SPAG16: variants seen among roughly 807,000 people sequenced by gnomAD.
SPAG16 encodes the protein sperm associated antigen 16.
A neutral mutation model predicts 80.4 loss-of-function variants in SPAG16; 86 were observed. The observed-to-expected ratio is 1.07, with a 90% CI of 0.90 to 1.28. SPAG16 has a LOEUF of 1.28. Among genes scored for constraint, SPAG16 ranks in the 50% most tolerant of loss-of-function variants. The pLI, the probability that SPAG16 is intolerant of heterozygous loss-of-function variation, is 0.00. For missense variants in SPAG16, 870 were observed against 765.3 expected (o/e 1.14, Z -1.61); for synonymous variants, 294 against 265.9 (o/e 1.11, Z -1.03).
chr2:213,284,927 A>T (rs1481719911), intron 1 of SPAG16, among the ~76,000 whole-genome samples: 3 of 152,220 alleles, frequency 2.0e-5, no homozygotes, highest in Non-Finnish European at 4.4e-5. Flanking sequence ...AGACAGCACA[A>T]CAAATTGCTT....
At position 214,043,740 on chromosome 2, in the gene SPAG16, A is replaced by G. The variant is rs939432022; in HGVS notation, c.1527+29663A>G. On this transcript the variant is annotated intron_variant, in intron 13 of 15. Transcript: ENST00000331683. ...TGGCCGAATTGCTTAGATAATTGAT[A>G]TTATATTTATGGTATCTGAGACAGA... 3.9e-5 allele frequency among the ~76,000 whole-genome samples: 6 copies of G among 152,256 alleles called. No homozygotes were observed. In the East Asian group the frequency reaches 7.7e-4, roughly 20 times the overall value.
chr2:213,634,306 A>G (rs1234977805), intron 10 of SPAG16, among the ~76,000 whole-genome samples: 1 of 152,222 alleles, frequency 6.6e-6, no homozygotes, highest in Non-Finnish European at 1.5e-5. Flanking sequence ...TAAAAACTAT[A>G]TGCATTAACT....
intron 15 of SPAG16, among the ~76,000 whole-genome samples, chr2:214,227,480 A>G (rs2058722232): frequency 6.6e-6 from 1 of 152,012 alleles, no homozygotes; most frequent in South Asian, 2.1e-4. Flanking sequence ...TTTGCCAGTT[A>G]GGACTCCAAT....
chr2:214,263,302 C>T (rs1360720158), intron 15 of SPAG16, among the ~76,000 whole-genome samples: 1 of 152,056 alleles, frequency 6.6e-6, no homozygotes, highest in African/African-American at 2.4e-5. Context: ...CTGTCCTCTC[C>T]GGTGAATTCT....
At chr2:213,893,699 A>G (rs2076881092) in intron 11 of SPAG16, among the ~76,000 whole-genome samples, 1 of 152,076 alleles carries the variant, frequency 6.6e-6, no homozygotes, top group African/African-American at 2.4e-5. Flanking sequence ...TATCTATAAG[A>G]TATTTTTGTA....
At chr2:214,274,298 C>T (rs898527670) in intron 15 of SPAG16, among the ~76,000 whole-genome samples, 2 of 152,158 alleles carry the variant, frequency 1.3e-5, no homozygotes, top group Non-Finnish European at 2.9e-5. Flanking sequence ...CTTTCTCCTG[C>T]CTGATTGCCC....
At chr2:214,145,353 CT>C (rs1273878297) in intron 14 of SPAG16, among the ~76,000 whole-genome samples, 1 of 152,062 alleles carries the variant, frequency 6.6e-6, no homozygotes, top group Admixed American at 6.6e-5. Flanking sequence ...GCAAATTTCA[CT>C]TGTTTCCATT....
At chr2:213,412,576 A>G (rs2069035559) in intron 9 of SPAG16, among the ~76,000 whole-genome samples, 1 of 152,112 alleles carries the variant, frequency 6.6e-6, no homozygotes, top group South Asian at 2.1e-4. Context: ...AATTTCTGTA[A>G]GTTAATTAGA....
At chr2:213,833,566 A>ATTATATATATTATATATATATT (rs1491310920) in intron 10 of SPAG16, among the ~76,000 whole-genome samples, 1 of 11,362 alleles carries the variant, frequency 8.8e-5, no homozygotes, top group Non-Finnish European at 1.8e-4. Context: ...TAATATATAT[A>ATTATATATATTATATATATATT]ATATATATAT....
At chr2:214,288,260 T>C (rs912588223) in intron 15 of SPAG16, among the ~76,000 whole-genome samples, 1 of 152,214 alleles carries the variant, frequency 6.6e-6, no homozygotes, top group African/African-American at 2.4e-5. Context: ...AATTTTATTA[T>C]TTTTATGGCC....
chr2:213,303,028 T>C (rs907945092), intron 3 of SPAG16, among the ~76,000 whole-genome samples: 1 of 152,106 alleles, frequency 6.6e-6, no homozygotes, highest in Non-Finnish European at 1.5e-5. Context: ...CCAAAAAAAC[T>C]GAGGTAGCAT....
chr2:213,932,199 TTTGTTG>T (rs1201922748), intron 12 of SPAG16, among the ~76,000 whole-genome samples: 4 of 137,006 alleles, frequency 2.9e-5, no homozygotes, highest in Admixed American at 7.5e-5. Flanking sequence ...TATATATATA[TTTGTTG>T]TTGTTGTTGT....
At chr2:214,196,891 G>A (rs927011392) in intron 15 of SPAG16, among the ~76,000 whole-genome samples, 10 of 151,942 alleles carry the variant, frequency 6.6e-5, no homozygotes, top group South Asian at 2.1e-4. Flanking sequence ...CTTTATATTC[G>A]GTTGAAAAAT....
chr2:214,014,881 T>A (rs1040026473), intron 13 of SPAG16, among the ~76,000 whole-genome samples: 1 of 152,152 alleles, frequency 6.6e-6, no homozygotes, highest in African/African-American at 2.4e-5. Flanking sequence ...CATAAGGGGT[T>A]ACAGTCTGCA....
At chr2:213,769,510 C>T (rs1303196268) in intron 10 of SPAG16, among the ~76,000 whole-genome samples, 7 of 152,126 alleles carry the variant, frequency 4.6e-5, no homozygotes, top group Admixed American at 3.3e-4. Flanking sequence ...AGCTGTGGCA[C>T]GTGCTTCTCA....
intron 9 of SPAG16, among the ~76,000 whole-genome samples, chr2:213,384,327 A>G (rs973560496): frequency 6.6e-6 from 1 of 152,214 alleles, no homozygotes; most frequent in Non-Finnish European, 1.5e-5. Flanking sequence ...GAAGTTCTGC[A>G]AAATACCAAG....
chr2:213,340,031 A>T (rs2064592845), intron 5 of SPAG16, 132 bp from the exon 6 acceptor site: 1 of 630,998 alleles, frequency 1.6e-6, no homozygotes, highest in East Asian at 2.8e-5. Context: ...AGAATCTTCG[A>T]TGAGAATTAT....
At chr2:213,858,854 A>G (rs748380932) in intron 10 of SPAG16, among the ~76,000 whole-genome samples, 3 of 152,136 alleles carry the variant, frequency 2.0e-5, no homozygotes, top group Non-Finnish European at 2.9e-5. Context: ...GTATTGTTCT[A>G]CATTTATTTT....
At chr2:213,831,396 CAA>C (rs2073648843) in intron 10 of SPAG16, among the ~76,000 whole-genome samples, 3 of 140,548 alleles carry the variant, frequency 2.1e-5, no homozygotes, top group South Asian at 5.3e-4. Flanking sequence ...AAATGCTTTT[CAA>C]TTCATAATTC....
Sources: allele counts gnomAD v4.1 joint callset (sites outside exome capture counted in the v4.1 genomes callset), GRCh38; gene constraint gnomAD v4.1.1; transcripts MANE v1.5; gene names NCBI Gene and HGNC (gene_info 2026-07-23, HGNC 2026-07-21).